Variants in SEMA3A observed in about 807,000 individuals in gnomAD.
The protein encoded by SEMA3A is semaphorin 3A.
SEMA3A carries 29 observed loss-of-function variants against 97.9 expected under a neutral mutation model. The observed-to-expected ratio is 0.30, with a 90% CI of 0.22 to 0.40. The LOEUF (loss-of-function observed/expected upper bound fraction) is 0.40, where lower values mean the gene tolerates loss of function less well. Ranked by LOEUF, SEMA3A falls within the 10% of genes least tolerant of loss-of-function variation. The probability of loss-of-function intolerance (pLI) is 1.00; values close to 1 mark genes in which losing one functional copy is unlikely to be tolerated. For missense variants in SEMA3A, 763 were observed against 951.3 expected (o/e 0.80, Z 2.60); for synonymous variants, 321 against 323.7 (o/e 0.99, Z 0.09).
intron 1 of SEMA3A, among the ~76,000 whole-genome samples, chr7:84,422,350 G>C (rs1372911063): frequency 4.0e-5 from 6 of 151,872 alleles, no homozygotes; most frequent in Non-Finnish European, 8.8e-5. Flanking sequence ...ATTTCTGTGG[G>C]ATCAGTGGTG....
chr7:84,168,550 G>A (rs1201057391), intron 1 of SEMA3A, among the ~76,000 whole-genome samples: 2 of 151,750 alleles, frequency 1.3e-5, no homozygotes, highest in East Asian at 3.9e-4. Flanking sequence ...TTACTAAAAG[G>A]AAGATAACTT....
chr7:84,320,607 G>T (rs938770677), intron 2 of SEMA3A, among the ~76,000 whole-genome samples: 1 of 151,928 alleles, frequency 6.6e-6, no homozygotes. Context: ...ATCTTTGTTA[G>T]GTCATTTTGT....
intron 3 of SEMA3A, among the ~76,000 whole-genome samples, chr7:84,259,138 G>A (rs1317818016): frequency 6.6e-6 from 1 of 152,002 alleles, no homozygotes; most frequent in Non-Finnish European, 1.5e-5. Context: ...AAGCATTTGA[G>A]CATTAAAAAA....
At chr7:84,418,680 A>C (rs1429509338) in intron 1 of SEMA3A, among the ~76,000 whole-genome samples, 1 of 151,954 alleles carries the variant, frequency 6.6e-6, no homozygotes, top group Non-Finnish European at 1.5e-5. Context: ...CTTAAGCTTT[A>C]GTACTCTGGC....
At chr7:84,356,884 T>C (rs1802573301) in intron 2 of SEMA3A, among the ~76,000 whole-genome samples, 4 of 151,824 alleles carry the variant, frequency 2.6e-5, no homozygotes, top group Admixed American at 2.6e-4. Flanking sequence ...TTGATAAGCC[T>C]GTACAATGAT....
chr7:84,213,961 A>G (rs187763613), intron 3 of SEMA3A, among the ~76,000 whole-genome samples: 187 of 152,300 alleles, frequency 1.2e-3, no homozygotes, highest in Non-Finnish European at 2.3e-3. Context: ...TATTTGCTCC[A>G]AGTCATCTGC....
At chr7:84,418,599 G>C (rs990352151) in intron 1 of SEMA3A, among the ~76,000 whole-genome samples, 7 of 152,054 alleles carry the variant, frequency 4.6e-5, no homozygotes, top group Admixed American at 3.3e-4. Flanking sequence ...TAAGCAGGTT[G>C]CTGAGTCCTC....
At chr7:84,116,831 A>G (rs2115967391) in intron 3 of SEMA3A, among the ~76,000 whole-genome samples, 1 of 152,308 alleles carries the variant, frequency 6.6e-6, no homozygotes. Context: ...ACTAGAACAT[A>G]AATTTCTGCT....
At chr7:84,106,339 C>T (rs565801496) in intron 4 of SEMA3A, among the ~76,000 whole-genome samples, 2 of 152,246 alleles carry the variant, frequency 1.3e-5, no homozygotes, top group Non-Finnish European at 2.9e-5. Flanking sequence ...ACATTGCCTA[C>T]AATATTCAGT....
rs112127145 is a variant in SEMA3A at position 84,285,355 on chromosome 7, T to C, written c.-83+21852A>G. ...CCAGGAAATGAAAGCAATACAGGCA[T>C]AACAAAAGTATATAAGAAAAAAATA... On this transcript the variant is annotated intron_variant, in intron 3 of 3. Coordinates refer to the SEMA3A transcript ENST00000424555. Among the ~76,000 whole-genome samples the C allele has an allele frequency of 2.9e-3, 438 of 152,164 alleles. 5 individuals are homozygous for C. Among genetic ancestry groups the C allele is most frequent in the African/African-American group, 0.01 (425 of 41,506 alleles).
chr7:84,199,566 GT>G (rs371073805), upstream of SEMA3A, among the ~76,000 whole-genome samples: 10,150 of 146,472 alleles, frequency 0.069, 406 homozygotes, highest in African/African-American at 0.11. Context: ...TGTTATTTCC[GT>G]TTTTTTTTTT....
At chr7:84,015,291 G>GA (rs1452851109) in intron 6 of SEMA3A, among the ~76,000 whole-genome samples, 1 of 151,992 alleles carries the variant, frequency 6.6e-6, no homozygotes, top group African/African-American at 2.4e-5. Context: ...TGAACCTAGA[G>GA]CTTAAAACGT....
chr7:84,070,175 T>A (rs1201009849), intron 4 of SEMA3A, among the ~76,000 whole-genome samples: 1 of 152,178 alleles, frequency 6.6e-6, no homozygotes, highest in Non-Finnish European at 1.5e-5. Flanking sequence ...CTATACTGAT[T>A]CTAATTGCTT....
At chr7:84,249,454 T>C (rs1799557520) in intron 3 of SEMA3A, among the ~76,000 whole-genome samples, 1 of 151,624 alleles carries the variant, frequency 6.6e-6, no homozygotes, top group Non-Finnish European at 1.5e-5. Flanking sequence ...ATATTTAACT[T>C]CTTTTTGCCA....
chr7:84,159,779 A>G (rs1796969852), intron 1 of SEMA3A, among the ~76,000 whole-genome samples: 1 of 152,200 alleles, frequency 6.6e-6, no homozygotes, highest in Admixed American at 6.6e-5. Flanking sequence ...TTATAATTTG[A>G]GGACTGGAAA....
At position 84,194,735 on chromosome 7, in the gene SEMA3A, C is replaced by A; in HGVS notation, c.-149G>T. ...GCAGACAATCAAGACCTCATGGCAA[C>A]ACTAACACCTCTTCTTCTGTAACAG... On this transcript the variant is annotated 5_prime_UTR_variant, in exon 1 of 17. Transcript: ENST00000265362. 1 of 467,602 alleles carries A rather than the reference C, an allele frequency of 2.1e-6. No homozygotes were observed. The highest frequency in any genetic ancestry group is 3.6e-5 in the Admixed American group (1 of 27,426). The allele number at this position is 467,602 out of a possible 1,614,324, so 29.0% of individuals were successfully genotyped here.
At chr7:84,471,071 C>A (rs956469218) in intron 1 of SEMA3A, among the ~76,000 whole-genome samples, 3 of 152,020 alleles carry the variant, frequency 2.0e-5, no homozygotes, top group African/African-American at 7.2e-5. Context: ...TGTATTTCAG[C>A]AAAAACTTTG....
chr7:83,963,668 A>G (rs1190494670), intron 15 of SEMA3A, among the ~76,000 whole-genome samples: 2 of 152,190 alleles, frequency 1.3e-5, no homozygotes, highest in Non-Finnish European at 2.9e-5. Context: ...TCTACAGGAA[A>G]TTATTTTCAC....
At chr7:84,231,394 C>A (rs773682130) in intron 3 of SEMA3A, among the ~76,000 whole-genome samples, 2 of 151,836 alleles carry the variant, frequency 1.3e-5, no homozygotes, top group African/African-American at 2.4e-5. Flanking sequence ...GAATAAGAAT[C>A]CATGAGGTTA....
Sources: allele counts gnomAD v4.1 joint callset (sites outside exome capture counted in the v4.1 genomes callset), GRCh38; gene constraint gnomAD v4.1.1; transcripts MANE v1.5; gene names NCBI Gene and HGNC (gene_info 2026-07-23, HGNC 2026-07-21).